Variants in IMPDH1 observed in about 807,000 individuals in gnomAD.
IMPDH1 encodes inosine-5'-monophosphate dehydrogenase 1.
IMPDH1 carries 41 observed loss-of-function variants against 73.5 expected under a neutral mutation model. The ratio of observed to expected loss-of-function variants is 0.56; its 90% confidence interval spans 0.43 to 0.72. The LOEUF (loss-of-function observed/expected upper bound fraction) is 0.72, where lower values mean the gene tolerates loss of function less well. IMPDH1 is among the 30% of genes least tolerant of loss of function. The probability of loss-of-function intolerance (pLI) is 0.00; values close to 1 mark genes in which losing one functional copy is unlikely to be tolerated. For missense variants in IMPDH1, 645 were observed against 824.8 expected (o/e 0.78, Z 2.67); for synonymous variants, 318 against 334.3 (o/e 0.95, Z 0.53).
intron 5 of IMPDH1, among the ~76,000 whole-genome samples, chr7:128,403,376 G>A (rs1361315787): frequency 6.6e-6 from 1 of 152,132 alleles, no homozygotes; most frequent in Non-Finnish European, 1.5e-5. Context: ...TGGCCAACAT[G>A]GTGAAACCCC....
At chr7:128,408,725 C>T (rs1322750238) in intron 3 of IMPDH1, among the ~76,000 whole-genome samples, 1 of 152,230 alleles carries the variant, frequency 6.6e-6, no homozygotes, top group African/African-American at 2.4e-5. Flanking sequence ...CCCCAACCGG[C>T]TCATTCAGCC....
chr7:128,409,978 C>T lies in IMPDH1; in HGVS notation c.-77G>A. On this transcript the variant is annotated 5_prime_UTR_variant, in exon 1 of 17. Coordinates refer to ENST00000338791, the MANE Select transcript of IMPDH1 (RefSeq NM_000883.4). ...GGCTGGGCAGTGAGCGCAGCCCGGT[C>T]GAGTCCCGAGGAGGGGCGGGGCCGC... The T allele has an allele frequency of 1.6e-6, 2 of 1,246,862 alleles. No individual in the cohort carries two copies. The highest frequency in any genetic ancestry group is 1.0e-6 in the Non-Finnish European group (1 of 984,166). 77.2% of individuals were successfully genotyped at this position (1,246,862 alleles called of 1,614,324 possible).
chr7:128,399,004 G>A (rs934243363), intron 9 of IMPDH1, among the ~76,000 whole-genome samples: 2 of 152,180 alleles, frequency 1.3e-5, no homozygotes, highest in South Asian at 2.1e-4. Flanking sequence ...CTCCAGTATG[G>A]ACCAGGGAAG....
At chr7:128,409,681 G>A (rs1799010273) in intron 1 of IMPDH1, 75 bp downstream of exon 1, 2 of 1,519,746 alleles carry the variant, frequency 1.3e-6, no homozygotes, top group African/African-American at 1.4e-5. Flanking sequence ...CAGCGTCGCC[G>A]GGTTCCCGGA....
At position 128,403,767 on chromosome 7, in the gene IMPDH1, A is replaced by C. The variant is rs768397128; in HGVS notation, c.354-13T>G. Reference sequence around the variant, plus strand: ...AATCAGGAAGTCGCTGTGAAGACAGAGAAGTGAGTGTTATTAGTGGGGAGG... The same window carrying C: ...AATCAGGAAGTCGCTGTGAAGACAGCGAAGTGAGTGTTATTAGTGGGGAGG... On this transcript the variant is annotated splice_polypyrimidine_tract_variant and intron_variant, in intron 4 of 16. Transcript: ENST00000338791. 2.5e-6 allele frequency: 4 copies of C among 1,613,418 alleles called. No homozygotes were observed. In the South Asian group the frequency reaches 4.4e-5, roughly 18 times the overall value.
In IMPDH1 at chr7:128,396,652, C is replaced by T; in HGVS notation, c.1209G>A (p.Val403=). The change falls in exon 12 of 17, where the codon GTG becomes GTA. Residue 403 remains valine, a synonymous_variant. Transcript: ENST00000338791. This position sits in a 1 kb window ranked among gnomAD's most constrained non-coding sequence, Gnocchi z 4.0. ...AQAKNLIDAG[V]DGLRVGMGCG... ...AGCCCATGCCCACGCGCAGCCCGTCCACACCAGCATCAATCAGGTTCTTGG... is the reference window on the plus strand; with the variant it reads ...AGCCCATGCCCACGCGCAGCCCGTCTACACCAGCATCAATCAGGTTCTTGG... 3 of 1,555,880 alleles carry T rather than the reference C, an allele frequency of 1.9e-6. No individual in the cohort carries two copies. The highest frequency in any genetic ancestry group is 2.6e-6 in the Non-Finnish European group (3 of 1,149,036).
chr7:128,409,838 C>T lies in IMPDH1; in HGVS notation c.64G>A (p.Gly22Arg), dbSNP rs1458584005. The change falls in exon 1 of 17, where the codon GGA becomes AGA. Residue 22 changes from glycine to arginine, a missense_variant. This residue lies in a region of IMPDH1 where 186 missense variants were observed against 186.6 expected (regional missense o/e 1.00). Coordinates refer to ENST00000338791, the MANE Select transcript of IMPDH1 (RefSeq NM_000883.4). ...TCGTGTCCCGGGTGTTGCCGGGCTC[C>T]GGGCTCCGGAACAGCGGCGGCTCCG... ...GGGAAAVPEP[G>R]ARQHPGHETA... is the part of the protein sequence containing the mutation. 7 of 1,495,904 alleles carry T rather than the reference C, an allele frequency of 4.7e-6. No homozygotes were observed. The highest frequency in any genetic ancestry group is 4.3e-5 in the Admixed American group (2 of 46,136). The allele number at this position is 1,495,904 out of a possible 1,614,324, so 92.7% of individuals were successfully genotyped here.
intron 5 of IMPDH1, 77 bp from the exon 6 acceptor site, chr7:128,401,193 G>A (rs1406649443): frequency 1.0e-5 from 11 of 1,075,324 alleles, no homozygotes; most frequent in East Asian, 4.8e-5. Context: ...TACATGCACC[G>A]GCACCAGGAC....
rs1263287512 is a variant in IMPDH1 at position 128,400,140 on chromosome 7, C to T, written c.829G>A (p.Val277Met). 6 of 1,613,936 alleles carry T rather than the reference C, an allele frequency of 3.7e-6. No homozygotes were observed. The highest frequency in any genetic ancestry group is 2.2e-5 in the East Asian group (1 of 44,906). Reference sequence around the variant, plus strand: ...ATCTCATTTGCCTCTTTCAACGTCACACCTGCTGGAGCCACCACCAGTTCA... The same window carrying T: ...ATCTCATTTGCCTCTTTCAACGTCATACCTGCTGGAGCCACCACCAGTTCA... ...RIELVVAPAG[V>M]TLKEANEILQ... The change falls in exon 9 of 17, where the codon GTG (valine) becomes ATG (methionine). Residue 277 changes from valine to methionine, a missense_variant. Coordinates refer to ENST00000338791, the MANE Select transcript of IMPDH1 (RefSeq NM_000883.4).
intron 3 of IMPDH1, among the ~76,000 whole-genome samples, chr7:128,407,611 T>G (rs188776469): frequency 6.6e-6 from 1 of 152,268 alleles, no homozygotes; most frequent in East Asian, 1.9e-4. Flanking sequence ...AACAGAGCTA[T>G]CATGCCAACT....
Position 128,394,807 on chromosome 7 carries a change from C to T in IMPDH1, c.1550+82G>A. The T allele has an allele frequency of 1.3e-6, 2 of 1,550,442 alleles. No individual in the cohort carries two copies. ...AGAACCACCATATGGGGACTGGCTG[C>T]CATCTGGGGAAGTCGGTGGCATGAG... On this transcript the variant is annotated intron_variant, in intron 14 of 16. Coordinates refer to ENST00000338791, the MANE Select transcript of IMPDH1 (RefSeq NM_000883.4). The surrounding 1 kb of genome is among the most constrained non-coding windows in gnomAD (Gnocchi z 5.5).
At chr7:128,393,344 G>A (rs1797667756) in intron 16 of IMPDH1, among the ~76,000 whole-genome samples, 1 of 152,212 alleles carries the variant, frequency 6.6e-6, no homozygotes, top group African/African-American at 2.4e-5. Flanking sequence ...TCCTCATGGA[G>A]CAAACTCCAA....
intron 4 of IMPDH1, 102 bp downstream of exon 4, chr7:128,405,665 C>A (rs1474045233): frequency 1.4e-6 from 2 of 1,434,774 alleles, no homozygotes; most frequent in Non-Finnish European, 1.8e-6. Context: ...CAGGCACTCG[C>A]ACCGGGCAGG....
Position 128,396,898 on chromosome 7 carries a change from G to A in IMPDH1, c.1165+34C>T. ...AAAAGGGTTACTCATTGGAGGGGCA[G>A]GAGCAGGCGGGTGGGAGGCGACCCC... On this transcript the variant is annotated intron_variant, in intron 11 of 16. Coordinates refer to ENST00000338791, the MANE Select transcript of IMPDH1 (RefSeq NM_000883.4). The surrounding 1 kb of genome is among the most constrained non-coding windows in gnomAD (Gnocchi z 4.0). 1 of 1,472,880 alleles carries A rather than the reference G, an allele frequency of 6.8e-7. No individual in the cohort carries two copies. Among genetic ancestry groups the A allele is most frequent in the South Asian group, 1.1e-5 (1 of 88,220 alleles). The allele number at this position is 1,472,880 out of a possible 1,614,324, so 91.2% of individuals were successfully genotyped here.
chr7:128,407,694 A>G (rs1245973346), intron 3 of IMPDH1, among the ~76,000 whole-genome samples: 1 of 152,186 alleles, frequency 6.6e-6, no homozygotes, highest in Non-Finnish European at 1.5e-5. Flanking sequence ...GGGTCACTAA[A>G]GGACCTGCTC....
chr7:128,401,782 A>C (rs1033762344), intron 5 of IMPDH1, among the ~76,000 whole-genome samples: 17 of 152,218 alleles, frequency 1.1e-4, no homozygotes, highest in African/African-American at 3.9e-4. Context: ...GCAAGCAACG[A>C]ATGGTCTGGA....
At chr7:128,402,238 G>A (rs1036810893) in intron 5 of IMPDH1, among the ~76,000 whole-genome samples, 1 of 152,104 alleles carries the variant, frequency 6.6e-6, no homozygotes, top group African/African-American at 2.4e-5. Flanking sequence ...GAGTAGCTGG[G>A]ATTACAGATG....
At chr7:128,401,150 TA>T in intron 5 of IMPDH1, 34 bp from the exon 6 acceptor site, 1 of 1,508,646 alleles carries the variant, frequency 6.6e-7, no homozygotes, top group Non-Finnish European at 9.2e-7. Context: ...GTAAAGAGTT[TA>T]TCACCCACTG....
intron 4 of IMPDH1, among the ~76,000 whole-genome samples, chr7:128,404,775 C>T (rs934474910): frequency 1.3e-5 from 2 of 152,160 alleles, no homozygotes; most frequent in African/African-American, 2.4e-5. Context: ...CAAAGAATTT[C>T]GGCTGCTCCC....
Sources: allele counts gnomAD v4.1 joint callset (sites outside exome capture counted in the v4.1 genomes callset), GRCh38; gene constraint gnomAD v4.1.1; regional missense constraint gnomAD v4.1.1; non-coding constraint Gnocchi (gnomAD v3.1); transcripts MANE v1.5; gene names NCBI Gene and HGNC (gene_info 2026-07-23, HGNC 2026-07-21).